The following FECH variants were observed in gnomAD, a reference collection of about 807,000 sequenced individuals.
FECH encodes ferrochelatase, mitochondrial.
Under a neutral mutation model 56.9 loss-of-function variants are expected in FECH, and 40 were observed. That is an observed-to-expected ratio of 0.70 (90% CI 0.55 to 0.92). FECH has a LOEUF of 0.92. Among genes scored for constraint, FECH ranks in the 40% least tolerant of loss-of-function variants. The pLI, the probability that FECH is intolerant of heterozygous loss-of-function variation, is 0.00. For missense variants in FECH, 431 were observed against 529.1 expected, an observed-to-expected ratio of 0.81 and a Z score of 1.82; for synonymous variants, 175 against 198.6, an observed-to-expected ratio of 0.88 and a Z score of 1.00.
rs1282405972 is a variant in FECH at position 57,547,186 on chromosome 18, A to T, written c.*3526T>A. On this transcript the variant is annotated 3_prime_UTR_variant, in exon 11 of 11. Transcript: ENST00000262093. ...AGGGACTTGCCTTGTCTTGGATGAG[A>T]CTTTGAACTTGGACTTTTGGGTTAA... Among the ~76,000 whole-genome samples, 1 of 152,024 alleles carries T rather than the reference A, an allele frequency of 6.6e-6. No individual in the cohort carries two copies. The highest frequency in any genetic ancestry group is 6.6e-5 in the Admixed American group (1 of 15,266).
chr18:57,559,067 G>GACCCAT (rs1187851466), intron 7 of FECH, 78 bp downstream of exon 7: 1 of 974,564 alleles, frequency 1.0e-6, no homozygotes, highest in African/African-American at 1.6e-5. Context: ...ATGGAAGCTG[G>GACCCAT]ACCCATTTTA....
chr18:57,584,036 C>A (rs918891084), intron 1 of FECH, among the ~76,000 whole-genome samples: 1 of 151,960 alleles, frequency 6.6e-6, no homozygotes, highest in Admixed American at 6.6e-5. Flanking sequence ...AAAAATTAGC[C>A]GGGTGTGGTG....
At chr18:57,571,988 A>C (rs138493923) in intron 3 of FECH, among the ~76,000 whole-genome samples, 20 of 152,388 alleles carry the variant, frequency 1.3e-4, no homozygotes, top group African/African-American at 4.8e-4. Context: ...AAGAATGTTC[A>C]CTGCAACACT....
chr18:57,580,809 C>T (rs981373608), intron 1 of FECH, among the ~76,000 whole-genome samples: 4 of 152,266 alleles, frequency 2.6e-5, no homozygotes, highest in Admixed American at 1.3e-4. Context: ...CCACATCCCA[C>T]GTGCCAGACC....
At chr18:57,579,351 T>C (rs1444124493) in intron 2 of FECH, among the ~76,000 whole-genome samples, 8 of 151,840 alleles carry the variant, frequency 5.3e-5, no homozygotes, top group Admixed American at 5.3e-4. Context: ...TCAAACAATG[T>C]GTGATCTAGC....
At chr18:57,572,261 A>G (rs966815182) in intron 3 of FECH, among the ~76,000 whole-genome samples, 3 of 152,158 alleles carry the variant, frequency 2.0e-5, no homozygotes, top group African/African-American at 7.2e-5. Context: ...TGTCCTTTGT[A>G]GGGACATGGA....
Position 57,545,740 on chromosome 18 carries a change from A to G in FECH, c.*4972T>C, listed in dbSNP as rs2050712668. Reference sequence around the variant, plus strand: ...ACTTTATATTTTGCAAAATACGTGCATATGGAAAAGAAGCACAACATTTAA... The same window carrying G: ...ACTTTATATTTTGCAAAATACGTGCGTATGGAAAAGAAGCACAACATTTAA... On this transcript the variant is annotated 3_prime_UTR_variant, in exon 11 of 11. Transcript: ENST00000262093. Among the ~76,000 whole-genome samples, 1 of 152,228 alleles carries G rather than the reference A, an allele frequency of 6.6e-6. No homozygotes were observed. The highest frequency in any genetic ancestry group is 1.5e-5 in the Non-Finnish European group (1 of 68,040).
chr18:57,561,403 T>G lies in FECH; in HGVS notation c.705+1471A>C, dbSNP rs557307012. Reference sequence around the variant, plus strand: ...AAGCTGCAAGTAAAAACACAAATCATATGGCTTGCAACAGCCTCTAAGCCA... The same window carrying G: ...AAGCTGCAAGTAAAAACACAAATCAGATGGCTTGCAACAGCCTCTAAGCCA... On this transcript the variant is annotated intron_variant, in intron 6 of 10. Coordinates refer to ENST00000262093, the MANE Select transcript of FECH (RefSeq NM_000140.5). Among the ~76,000 whole-genome samples the G allele has an allele frequency of 2.6e-5, 4 of 152,334 alleles. No individual in the cohort carries two copies. In the East Asian group the frequency reaches 7.7e-4, roughly 29 times the overall value.
At chr18:57,576,726 G>A (rs1281962469) in intron 2 of FECH, among the ~76,000 whole-genome samples, 2 of 152,170 alleles carry the variant, frequency 1.3e-5, no homozygotes, top group Admixed American at 6.5e-5. Context: ...AGATGCACAC[G>A]ACTTGAAAAT....
In FECH at chr18:57,562,890, T is replaced by G; in HGVS notation, c.689A>C (p.His230Pro). 6.2e-7 allele frequency: 1 copy of G among 1,614,010 alleles called. No homozygotes were observed. Among genetic ancestry groups the G allele is most frequent in the Non-Finnish European group, 8.5e-7 (1 of 1,179,912 alleles). ...KWSTIDRWPT[H>P]HLLIQCFADH... is the part of the protein sequence containing the mutation. The stretch of plus-strand genomic sequence containing the variant: ...CTGGCTTACCTGGATGAGGAGGTGA[T>G]GTGTGGGCCACCTGTCAATAGTGCT... The change falls in exon 6 of 11, where the codon CAT (histidine) becomes CCT (proline). Residue 230 changes from histidine (H) to proline (P), a missense_variant. Transcript: ENST00000262093.
At chr18:57,582,794 G>T (rs2051304084) in intron 1 of FECH, among the ~76,000 whole-genome samples, 2 of 151,350 alleles carry the variant, frequency 1.3e-5, no homozygotes, top group Admixed American at 1.3e-4. Flanking sequence ...GTGGTGGCGG[G>T]TGCCTGTAGT....
chr18:57,570,010 C>CTGT (rs879297836), intron 4 of FECH, among the ~76,000 whole-genome samples: 4 of 127,028 alleles, frequency 3.1e-5, no homozygotes, highest in African/African-American at 8.2e-5. Flanking sequence ...GTTGTTGTTG[C>CTGT]TGTTGTTGTT....
intron 3 of FECH, among the ~76,000 whole-genome samples, chr18:57,572,497 C>T (rs1479717381): frequency 9.0e-6 from 1 of 110,824 alleles, no homozygotes; most frequent in Non-Finnish European, 1.7e-5. Flanking sequence ...ACCAACATGG[C>T]ACATGTATAC....
chr18:57,569,012 T>A (rs901653428), intron 4 of FECH, among the ~76,000 whole-genome samples: 2 of 152,190 alleles, frequency 1.3e-5, no homozygotes, highest in Non-Finnish European at 2.9e-5. Flanking sequence ...GTAAGTAAAC[T>A]GCCTGAACCA....
In FECH at chr18:57,545,465, A is replaced by G. The variant is rs375220859; in HGVS notation, c.*5247T>C. Among the ~76,000 whole-genome samples the G allele has an allele frequency of 4.6e-5, 7 of 152,186 alleles. No homozygotes were observed. The East Asian group carries it at 9.6e-4, about 21-fold the overall frequency. Reference sequence around the variant, plus strand: ...AAGGCTTAGTAAGAGTCCCACATCAAAAGCAAAAGCATTTCTTTCTCTCAC... The same window carrying G: ...AAGGCTTAGTAAGAGTCCCACATCAGAAGCAAAAGCATTTCTTTCTCTCAC... On this transcript the variant is annotated 3_prime_UTR_variant, in exon 11 of 11. Transcript: ENST00000262093.
At chr18:57,569,787 C>A (rs186452733) in intron 4 of FECH, among the ~76,000 whole-genome samples, 1 of 152,134 alleles carries the variant, frequency 6.6e-6, no homozygotes, top group East Asian at 1.9e-4. Flanking sequence ...TCTGCCTCCT[C>A]TTCCCACGAG....
rs2050849947 is a variant in FECH, at chr18:57,554,963, G to A, written c.805-11C>T. On this transcript the variant is annotated splice_polypyrimidine_tract_variant and intron_variant, in intron 7 of 10. Transcript: ENST00000262093. ...GCCTCTGTTGACCACCTGCAGCAGA[G>A]ACACAATGGGTGTTCAGCCATTAAC... 6.2e-7 allele frequency: 1 copy of A among 1,606,940 alleles called. No individual in the cohort carries two copies. The highest frequency in any genetic ancestry group is 8.5e-7 in the Non-Finnish European group (1 of 1,173,672).
In FECH at chr18:57,571,500, T is replaced by A. The variant is rs776532477; in HGVS notation, c.355A>T (p.Ile119Phe). The A allele has an allele frequency of 6.2e-7, 1 of 1,614,078 alleles. No individual in the cohort carries two copies. Among genetic ancestry groups the A allele is most frequent in the South Asian group, 1.1e-5 (1 of 91,064 alleles). The change falls in exon 4 of 11, where the codon ATT (isoleucine) becomes TTT (phenylalanine). Residue 119 changes from isoleucine (I) to phenylalanine (F), a missense_variant. Physicochemically the swap from Ile to Phe is conservative, Grantham distance 21. Coordinates refer to ENST00000262093, the MANE Select transcript of FECH (RefSeq NM_000140.5). The part of the protein sequence containing the change: ...PFIAKRRTPK[I>F]QEQYRRIGGG... Reference sequence around the variant, plus strand: ...CCAATCCTGCGGTACTGCTCTTGAATCTTGGGGGTTCGGCGTTTGGCGATG... The same window carrying A: ...CCAATCCTGCGGTACTGCTCTTGAAACTTGGGGGTTCGGCGTTTGGCGATG...
intron 1 of FECH, among the ~76,000 whole-genome samples, chr18:57,584,562 G>T (rs2051337095): frequency 6.6e-6 from 1 of 151,900 alleles, no homozygotes. Context: ...AGAAGAGGGT[G>T]GGGGGCGAGA....
Sources: allele counts gnomAD v4.1 joint callset (sites outside exome capture counted in the v4.1 genomes callset), GRCh38; gene constraint gnomAD v4.1.1; transcripts MANE v1.5; gene names NCBI Gene and HGNC (gene_info 2026-07-23, HGNC 2026-07-21).